The following DNAJC4 variants were observed in gnomAD, a reference collection of about 807,000 sequenced individuals.
The protein encoded by DNAJC4 is DnaJ heat shock protein family (Hsp40) member C4.
A neutral mutation model predicts 26.8 loss-of-function variants in DNAJC4; 26 were observed. The ratio of observed to expected loss-of-function variants is 0.97; its 90% confidence interval spans 0.71 to 1.34. The LOEUF (loss-of-function observed/expected upper bound fraction) is 1.34. Ranked by LOEUF, DNAJC4 falls within the 40% of genes most tolerant of loss-of-function variation. The pLI, the probability that DNAJC4 is intolerant of heterozygous loss-of-function variation, is 0.00. For synonymous variants in DNAJC4, 134 were observed against 127.8 expected (o/e 1.05, Z -0.33); for missense variants, 342 against 321.1 (o/e 1.07, Z -0.50).
chr11:64,231,883 TACTTATTATGAA>T lies in DNAJC4; in HGVS notation c.100_111del (p.Thr34_Glu37del), dbSNP rs752021904. The T allele has an allele frequency of 1.3e-3, 2,098 of 1,614,036 alleles. 5 individuals carry two copies. The highest frequency in any genetic ancestry group is 1.1e-3 in the Non-Finnish European group (1,276 of 1,179,968). ...ACTCTGTCCACAGGTCCAGACCCAG[TACTTATTATGAA>T]CTGTTGGGGGTGCATCCTGGTGCCA... On this transcript the variant is annotated inframe_deletion, in exon 2 of 6. Transcript: ENST00000628077.
Position 64,231,932 on chromosome 11 carries a change from G to T in DNAJC4, c.148G>T (p.Val50Phe), listed in dbSNP as rs371462463. The change falls in exon 2 of 6, where the codon GTT becomes TTT. Residue 50 changes from valine (V) to phenylalanine (F), a missense_variant. Coordinates refer to ENST00000628077, the MANE Select transcript of DNAJC4 (RefSeq NM_005528.4). ...GVHPGASTEEVKRAFFSKSKE... is the reference protein window; with the variant it reads ...GVHPGASTEEFKRAFFSKSKE... ...GCATCCTGGTGCCAGCACTGAGGAA[G>T]TTAAACGAGCTTTCTTCTCCAAGTC... 8 of 1,614,022 alleles carry T rather than the reference G, an allele frequency of 5.0e-6. No homozygotes were observed. In the African/African-American group the frequency reaches 8.0e-5, roughly 16 times the overall value.
In DNAJC4 at chr11:64,230,887, G is replaced by T; in HGVS notation, c.33G>T (p.Arg11=). The part of the protein sequence containing the change: MPPLLPLRLC[R]LWPRNPPSRL... Reference sequence around the variant, plus strand: ...CCTTACTGCCCCTGCGCCTGTGCCGGCTGTGGCCCCGCAACCCTCCCTCCC... The same window carrying T: ...CCTTACTGCCCCTGCGCCTGTGCCGTCTGTGGCCCCGCAACCCTCCCTCCC... Residue 11 remains arginine, a synonymous_variant, in exon 1 of 6, where the codon CGG becomes CGT. Transcript: ENST00000628077. The T allele has an allele frequency of 6.3e-7, 1 of 1,595,842 alleles. No individual in the cohort carries two copies.
chr11:64,232,286 T>C, intron 2 of DNAJC4, 144 bp from the exon 3 acceptor site: 1 of 1,077,866 alleles, frequency 9.3e-7, no homozygotes, highest in Non-Finnish European at 1.3e-6. Context: ...TCTGGCCTTC[T>C]GAGGAGTGGG....
rs1374822132 is a variant in DNAJC4 at position 64,231,938 on chromosome 11, CG to C, written c.155del (p.Arg52GlnfsTer28). 2 of 1,613,964 alleles carry C rather than the reference CG, an allele frequency of 1.2e-6. No homozygotes were observed. The highest frequency in any genetic ancestry group is 1.7e-6 in the Non-Finnish European group (2 of 1,180,030). ...TGGTGCCAGCACTGAGGAAGTTAAACGAGCTTTCTTCTCCAAGTCCAAAGAG... is the reference window on the plus strand; with the variant it reads ...TGGTGCCAGCACTGAGGAAGTTAAACAGCTTTCTTCTCCAAGTCCAAAGAG... ...HPGASTEEVK[R>X]AFFSKSKELH... On this transcript the variant is annotated frameshift_variant, in exon 2 of 6. Transcript: ENST00000628077. LOFTEE classifies it high-confidence loss of function.
chr11:64,230,558 C>A lies in DNAJC4; in HGVS notation c.-297C>A. On this transcript the variant is annotated 5_prime_UTR_variant, in exon 1 of 6. Transcript: ENST00000628077. The stretch of plus-strand genomic sequence containing the variant: ...GGGCCTGGTTGTGGCCCCTCCTTCT[C>A]CCGTCCCCAAGTTCCCTGGGTGGGA... The A allele has an allele frequency of 1.7e-6, 1 of 600,032 alleles. No individual in the cohort carries two copies. The allele number at this position is 600,032 out of a possible 1,614,324, so 37.2% of individuals were successfully genotyped here.
In DNAJC4 at chr11:64,233,919, T is replaced by G; in HGVS notation, c.553T>G (p.Phe185Val). The G allele has an allele frequency of 2.5e-6, 4 of 1,614,044 alleles. No homozygotes were observed. The highest frequency in any genetic ancestry group is 3.4e-6 in the Non-Finnish European group (4 of 1,179,992). ...GAAGGTGAAGCAGATGCACCTTAACTTCATGGATGAAAAGGATCGGATCAT... is the reference window on the plus strand; with the variant it reads ...GAAGGTGAAGCAGATGCACCTTAACGTCATGGATGAAAAGGATCGGATCAT... ...FRKVKQMHLN[F>V]MDEKDRIITA... The change falls in exon 5 of 6, where the codon TTC (phenylalanine) becomes GTC (valine). Residue 185 changes from phenylalanine to valine, a missense_variant. Phe to Val is a conservative substitution (Grantham distance 50). Transcript: ENST00000628077.
At chr11:64,230,507 C>T, upstream of DNAJC4, 1 of 578,078 alleles carries the variant, frequency 1.7e-6, no homozygotes, top group Non-Finnish European at 3.3e-6. Flanking sequence ...ATGGCGACGG[C>T]CGCGGGTCTG....
Position 64,232,882 on chromosome 11 carries a change from C to T in DNAJC4, c.527+17C>T, listed in dbSNP as rs749569266. On this transcript the variant is annotated intron_variant, in intron 4 of 5. Coordinates refer to ENST00000628077, the MANE Select transcript of DNAJC4 (RefSeq NM_005528.4). ...TGCCTTCAGGTGATGCCTGTTCTCC[C>T]CGGGGTGATGGGCAGAGGGCAGGAG... 62 of 1,556,072 alleles carry T rather than the reference C, an allele frequency of 4.0e-5. No homozygotes were observed. In the South Asian group the frequency reaches 7.5e-4, roughly 19 times the overall value.
intron 4 of DNAJC4, chr11:64,233,487 C>T (rs922138337): frequency 4.3e-5 from 8 of 187,196 alleles, no homozygotes; most frequent in African/African-American, 7.0e-5. Context: ...GTGATCCACC[C>T]GCCTCAGCCT....
At position 64,233,998 on chromosome 11, in the gene DNAJC4, T is replaced by TCTGCTCC. The variant is rs758157074; in HGVS notation, c.614+29_614+35dup. Reference sequence around the variant, plus strand: ...CGGGCCAGGTCTGTCCCTGCTCTATTCTGCTCCCTGCTCCCTGTCCAGGAA... The same window carrying TCTGCTCC: ...CGGGCCAGGTCTGTCCCTGCTCTATTCTGCTCCCTGCTCCCTGCTCCCTGTCCAGGAA... On this transcript the variant is annotated intron_variant, in intron 5 of 5. Coordinates refer to ENST00000628077, the MANE Select transcript of DNAJC4 (RefSeq NM_005528.4). The TCTGCTCC allele has an allele frequency of 4.2e-5, 68 of 1,614,056 alleles. No individual in the cohort carries two copies. In the African/African-American group the frequency reaches 5.7e-4, roughly 14 times the overall value.
intron 4 of DNAJC4, 79 bp from the exon 5 acceptor site, chr11:64,233,815 C>A (rs1292621847): frequency 1.9e-6 from 3 of 1,568,006 alleles, no homozygotes; most frequent in Non-Finnish European, 2.6e-6. Flanking sequence ...CTGTGAGGCC[C>A]CTAGAGTGGG....
At chr11:64,231,669 G>A (rs534456120) in intron 1 of DNAJC4, 2 of 533,870 alleles carry the variant, frequency 3.7e-6, no homozygotes, top group Middle Eastern at 9.9e-4. Context: ...CAAGTTTTTG[G>A]ACTCCACTTT....
chr11:64,234,016 T>A lies in DNAJC4; in HGVS notation c.614+36T>A. 6.2e-7 allele frequency: 1 copy of A among 1,613,976 alleles called. No homozygotes were observed. The highest frequency in any genetic ancestry group is 1.7e-5 in the Admixed American group (1 of 60,028). ...GCTCTATTCTGCTCCCTGCTCCCTG[T>A]CCAGGAACCACACTTCGGGATCCCT... On this transcript the variant is annotated intron_variant, in intron 5 of 5. Coordinates refer to ENST00000628077, the MANE Select transcript of DNAJC4 (RefSeq NM_005528.4). The surrounding 1 kb of genome is among the most constrained non-coding windows in gnomAD (Gnocchi z 5.3).
chr11:64,231,044 T>A, intron 1 of DNAJC4, 104 bp downstream of exon 1: 3 of 1,435,766 alleles, frequency 2.1e-6, no homozygotes, highest in Non-Finnish European at 2.8e-6. Context: ...GGCTCCCAGG[T>A]TTGTCTCAGG....
In DNAJC4 at chr11:64,232,718, CCAACG is replaced by C. The variant is rs1032103487; in HGVS notation, c.383_387del (p.Asn128ThrfsTer55). On this transcript the variant is annotated frameshift_variant, in exon 4 of 6. Transcript: ENST00000628077. LOFTEE classifies it high-confidence loss of function. Reference sequence around the variant, plus strand: ...CCTCCCAGCAGCTCCTGGACACCCCCCAACGCACAGTACTGGTCCCAGTTTCACAG... The same window carrying C: ...CCTCCCAGCAGCTCCTGGACACCCCCCACAGTACTGGTCCCAGTTTCACAG... The C allele has an allele frequency of 3.1e-6, 5 of 1,598,738 alleles. No homozygotes were observed. Among genetic ancestry groups the C allele is most frequent in the Admixed American group, 1.7e-5 (1 of 59,076 alleles).
rs1442211113 is a variant in DNAJC4, at chr11:64,230,767, C to A, written c.-88C>A. On this transcript the variant is annotated 5_prime_UTR_variant, in exon 1 of 6. Coordinates refer to ENST00000628077, the MANE Select transcript of DNAJC4 (RefSeq NM_005528.4). ...TGCAGAACAACGGGCCAGGCCCCTTCCCTCTGCCCCCGGGTGCTTGAAGTC... is the reference window on the plus strand; with the variant it reads ...TGCAGAACAACGGGCCAGGCCCCTTACCTCTGCCCCCGGGTGCTTGAAGTC... 1.3e-6 allele frequency: 2 copies of A among 1,506,600 alleles called. No individual in the cohort carries two copies. The highest frequency in any genetic ancestry group is 2.4e-5 in the South Asian group (2 of 83,156). The allele number at this position is 1,506,600 out of a possible 1,614,324, so 93.3% of individuals were successfully genotyped here.
chr11:64,230,777 C>T lies in DNAJC4; in HGVS notation c.-78C>T. ...CGGGCCAGGCCCCTTCCCTCTGCCC[C>T]CGGGTGCTTGAAGTCTAGCCCCATC... On this transcript the variant is annotated 5_prime_UTR_variant, in exon 1 of 6. Transcript: ENST00000628077. The T allele has an allele frequency of 6.5e-7, 1 of 1,530,468 alleles. No individual in the cohort carries two copies. Among genetic ancestry groups the T allele is most frequent in the East Asian group, 2.4e-5 (1 of 41,248 alleles). 94.8% of individuals were successfully genotyped at this position (1,530,468 alleles called of 1,614,324 possible).
chr11:64,233,951 C>G lies in DNAJC4; in HGVS notation c.585C>G (p.Ala195=), dbSNP rs1947210921. 1 of 1,614,026 alleles carries G rather than the reference C, an allele frequency of 6.2e-7. No individual in the cohort carries two copies. The highest frequency in any genetic ancestry group is 8.5e-7 in the Non-Finnish European group (1 of 1,180,040). Residue 195 remains alanine, a synonymous_variant, in exon 5 of 6, where the codon GCC becomes GCG. Coordinates refer to ENST00000628077, the MANE Select transcript of DNAJC4 (RefSeq NM_005528.4). The stretch of plus-strand genomic sequence containing the variant: ...ATGAAAAGGATCGGATCATCACAGC[C>G]TTCTACAACGAAGCCCGGGCACGGG... ...FMDEKDRIIT[A]FYNEARARAR...
Position 64,234,268 on chromosome 11 carries a change from A to C in DNAJC4, c.*84A>C. 11 of 1,456,738 alleles carry C rather than the reference A, an allele frequency of 7.6e-6. No homozygotes were observed. Among genetic ancestry groups the C allele is most frequent in the Non-Finnish European group, 1.0e-5 (11 of 1,090,820 alleles). The allele number at this position is 1,456,738 out of a possible 1,614,324, so 90.2% of individuals were successfully genotyped here. On this transcript the variant is annotated 3_prime_UTR_variant, in exon 6 of 6. Coordinates refer to ENST00000628077, the MANE Select transcript of DNAJC4 (RefSeq NM_005528.4). The surrounding 1 kb of genome is among the most constrained non-coding windows in gnomAD (Gnocchi z 5.3). ...CCCGCTCCCCGAAACGCGCGCAATAAAGTGATTCGCAGAGCTCGTGTCCGG... is the reference window on the plus strand; with the variant it reads ...CCCGCTCCCCGAAACGCGCGCAATACAGTGATTCGCAGAGCTCGTGTCCGG...
Sources: allele counts gnomAD v4.1 joint callset, GRCh38; gene constraint gnomAD v4.1.1; non-coding constraint Gnocchi (gnomAD v3.1); transcripts MANE v1.5; gene names NCBI Gene and HGNC (gene_info 2026-07-23, HGNC 2026-07-21).